Variants in GBF1 observed in about 807,000 individuals in gnomAD.
GBF1 encodes the protein Golgi-specific brefeldin A-resistance guanine nucleotide exchange factor 1.
A neutral mutation model predicts 210.5 loss-of-function variants in GBF1; 114 were observed. That is an observed-to-expected ratio of 0.54 (90% CI 0.47 to 0.63). The LOEUF is 0.63. GBF1 is among the 30% of genes least tolerant of loss of function. The pLI is 0.00. For synonymous variants in GBF1, 850 were observed against 889.2 expected (o/e 0.96, Z 0.78); for missense variants, 1,851 against 2,357.7 (o/e 0.79, Z 4.45).
At chr10:102,289,106 A>G (rs1424154931) in intron 3 of GBF1, among the ~76,000 whole-genome samples, 2 of 61,540 alleles carry the variant, frequency 3.2e-5, no homozygotes, top group Non-Finnish European at 8.2e-5. Flanking sequence ...TCTGTCTCAG[A>G]AAAAAAAAAA....
chr10:102,259,968 G>GA, intron 2 of GBF1, 82 bp from the exon 3 acceptor site: 1 of 747,794 alleles, frequency 1.3e-6, no homozygotes, highest in South Asian at 1.6e-5. Flanking sequence ...TGGATTCATA[G>GA]AAAGAGCCCT....
Position 102,363,112 on chromosome 10 carries a change from T to G in GBF1, c.1877-144T>G. The G allele has an allele frequency of 1.6e-6, 1 of 610,766 alleles. No individual in the cohort carries two copies. 37.8% of individuals were successfully genotyped at this position (610,766 alleles called of 1,614,324 possible). ...GCTTGGCTGGGACAGGGACTACTTA[T>G]TTTGGCTTGGGTTTGTCCTGCTCAG... On this transcript the variant is annotated intron_variant, in intron 15 of 39. Coordinates refer to ENST00000369983, the MANE Select transcript of GBF1 (RefSeq NM_001377137.1). The surrounding 1 kb of genome is among the most constrained non-coding windows in gnomAD (Gnocchi z 4.2).
At chr10:102,292,749 A>T (rs2076551152) in intron 3 of GBF1, among the ~76,000 whole-genome samples, 1 of 152,172 alleles carries the variant, frequency 6.6e-6, no homozygotes. Flanking sequence ...ATACTTTCAG[A>T]GGGATTCTAT....
chr10:102,365,336 G>C, intron 17 of GBF1, 61 bp from the exon 18 acceptor site: 1 of 1,328,444 alleles, frequency 7.5e-7, no homozygotes, highest in Non-Finnish European at 1.1e-6. Flanking sequence ...GTGGACTCCA[G>C]GCTGGCCTTG....
chr10:102,378,420 C>T (rs537799190), intron 33 of GBF1, among the ~76,000 whole-genome samples: 153 of 151,764 alleles, frequency 1.0e-3, no homozygotes, highest in African/African-American at 3.3e-3. Context: ...GCCAGGAGTT[C>T]GAGACCAGCC....
chr10:102,261,319 A>G (rs1163363343), intron 3 of GBF1, among the ~76,000 whole-genome samples: 3 of 152,100 alleles, frequency 2.0e-5, no homozygotes, highest in Admixed American at 6.5e-5. Context: ...AAAGGAGGAA[A>G]GTGTCAAAAC....
the GBF1 span, chr10:102,230,981 A>G: frequency 6.2e-7 from 1 of 1,605,512 alleles, no homozygotes; most frequent in Non-Finnish European, 8.5e-7. Flanking sequence ...TAGCCGGGGT[A>G]CACCTCCTCG....
In GBF1 at chr10:102,308,814, A is replaced by G. The variant is rs923197509; in HGVS notation, c.164-35237A>G. ...TGGGTGCAGCACACCAGCATGGCACATGTATACATATGTAACTAACCTGCA... is the reference window on the plus strand; with the variant it reads ...TGGGTGCAGCACACCAGCATGGCACGTGTATACATATGTAACTAACCTGCA... On this transcript the variant is annotated intron_variant, in intron 3 of 39. Coordinates refer to ENST00000369983, the MANE Select transcript of GBF1 (RefSeq NM_001377137.1). Among the ~76,000 whole-genome samples, 10 of 151,914 alleles carry G rather than the reference A, an allele frequency of 6.6e-5. No individual in the cohort carries two copies. The East Asian group carries it at 7.7e-4, about 12-fold the overall frequency.
upstream of GBF1, among the ~76,000 whole-genome samples, chr10:102,243,039 G>A (rs1313139937): frequency 2.0e-5 from 3 of 151,918 alleles, no homozygotes; most frequent in Non-Finnish European, 4.4e-5. Context: ...TTAGGATAAA[G>A]GTCAAGCTCC....
chr10:102,301,486 G>A (rs1328407854), intron 3 of GBF1, among the ~76,000 whole-genome samples: 3 of 152,232 alleles, frequency 2.0e-5, no homozygotes, highest in African/African-American at 7.2e-5. Context: ...TTCTCAGTGA[G>A]CTGTTGGGTA....
intron 4 of GBF1, among the ~76,000 whole-genome samples, chr10:102,348,637 T>A (rs2058737827): frequency 6.6e-6 from 1 of 151,812 alleles, no homozygotes; most frequent in Non-Finnish European, 1.5e-5. Flanking sequence ...CGTGGAGAGG[T>A]GGTGTGATAG....
intron 3 of GBF1, among the ~76,000 whole-genome samples, chr10:102,325,176 T>G (rs1277620527): frequency 6.6e-6 from 1 of 152,154 alleles, no homozygotes; most frequent in Admixed American, 6.5e-5. Context: ...CTAAGTGCGT[T>G]ACAGGGAGGA....
chr10:102,275,804 A>G (rs2074904602), intron 3 of GBF1, among the ~76,000 whole-genome samples: 1 of 152,250 alleles, frequency 6.6e-6, no homozygotes. Flanking sequence ...TTCTTGGTTC[A>G]GTCCACCTGG....
chr10:102,290,584 G>A (rs568889244), intron 3 of GBF1, among the ~76,000 whole-genome samples: 1 of 152,226 alleles, frequency 6.6e-6, no homozygotes, highest in African/African-American at 2.4e-5. Context: ...CTGCAGCCTT[G>A]ACTGCCTGGG....
At chr10:102,376,881 G>A in intron 32 of GBF1, 54 bp from the exon 33 acceptor site, 3 of 1,600,068 alleles carry the variant, frequency 1.9e-6, no homozygotes, top group South Asian at 1.1e-5. Flanking sequence ...GAAAAGGCAG[G>A]GTATCTATGC....
rs879575033 is a variant in GBF1 at position 102,260,473 on chromosome 10, C to CTTTTTTTTTTTT, written c.163+359_163+360insTTTTTTTTTTTT. Among the ~76,000 whole-genome samples the CTTTTTTTTTTTT allele has an allele frequency of 9.6e-4, 72 of 74,762 alleles. 9 individuals carry two copies. Among genetic ancestry groups the CTTTTTTTTTTTT allele is most frequent in the Middle Eastern group, 7.8e-3 (1 of 128 alleles). 49.0% of individuals were successfully genotyped at this position (74,762 alleles called of 152,430 possible). A position where few individuals can be genotyped will look rare whatever the true frequency, so the allele number is the denominator to read the frequency against. The stretch of plus-strand genomic sequence containing the variant: ...CTGTGCCTGGCCTATATTTTCCTTT[C>CTTTTTTTTTTTT]TTCTTTTTTTTTTTTTTTTTTTTTT... On this transcript the variant is annotated intron_variant, in intron 3 of 39. Transcript: ENST00000369983.
At position 102,351,524 on chromosome 10, in the gene GBF1, A is replaced by G; in HGVS notation, c.414+150A>G. 4 of 622,270 alleles carry G rather than the reference A, an allele frequency of 6.4e-6. No individual in the cohort carries two copies. The South Asian group carries it at 7.8e-5, about 12-fold the overall frequency. 38.5% of individuals were successfully genotyped at this position (622,270 alleles called of 1,614,324 possible). A position where few individuals can be genotyped will look rare whatever the true frequency, so the allele number is the denominator to read the frequency against. On this transcript the variant is annotated intron_variant, in intron 5 of 39. Coordinates refer to ENST00000369983, the MANE Select transcript of GBF1 (RefSeq NM_001377137.1). ...TCCAGACAAGCAGCTGGGGTACCCA[A>G]AGTAAAAGCTTTTTCTAAGGAAAAT...
chr10:102,259,952 T>C, intron 2 of GBF1, 98 bp from the exon 3 acceptor site: 1 of 679,038 alleles, frequency 1.5e-6, no homozygotes, highest in East Asian at 2.6e-5. Flanking sequence ...TAAATGATTT[T>C]CTGATTGGAT....
At chr10:102,325,597 G>A (rs975224418) in intron 3 of GBF1, among the ~76,000 whole-genome samples, 3 of 151,172 alleles carry the variant, frequency 2.0e-5, no homozygotes, top group African/African-American at 4.8e-5. Context: ...GGACTATAGG[G>A]CTTTCCTTGC....
Sources: gnomAD v4.1 joint callset for allele counts (sites outside exome capture counted in the v4.1 genomes callset) on GRCh38, gnomAD v4.1.1 for gene constraint, Gnocchi (gnomAD v3.1) non-coding constraint, MANE v1.5 for transcripts, NCBI Gene and HGNC (gene_info 2026-07-23, HGNC 2026-07-21) for gene names.